The following LRP6 variants were observed in gnomAD, a reference collection of about 807,000 sequenced individuals.
LRP6 encodes low-density lipoprotein receptor-related protein 6.
A neutral mutation model predicts 184.1 loss-of-function variants in LRP6; 43 were observed. That is an observed-to-expected ratio of 0.23 (90% CI 0.18 to 0.30). LRP6 has a LOEUF of 0.30. Ranked by LOEUF, LRP6 falls within the 10% of genes least tolerant of loss-of-function variation. The probability of loss-of-function intolerance (pLI) is 1.00; values close to 1 mark genes in which losing one functional copy is unlikely to be tolerated. For missense variants in LRP6, 1,571 were observed against 2,005.3 expected, an observed-to-expected ratio of 0.78 and a Z score of 4.14; for synonymous variants, 719 against 684.9, an observed-to-expected ratio of 1.05 and a Z score of -0.78.
intron 7 of LRP6, among the ~76,000 whole-genome samples, chr12:12,171,344 A>AT (rs1565596374): frequency 2.0e-5 from 3 of 152,012 alleles, no homozygotes; most frequent in Non-Finnish European, 4.4e-5. Flanking sequence ...GTGAAACTCC[A>AT]TCTCTACTAA....
chr12:12,143,435 T>C (rs970450912), intron 15 of LRP6, among the ~76,000 whole-genome samples: 1 of 152,176 alleles, frequency 6.6e-6, no homozygotes, highest in African/African-American at 2.4e-5. Flanking sequence ...TACATGGAAA[T>C]TGCGGTAGTT....
intron 22 of LRP6, among the ~76,000 whole-genome samples, chr12:12,122,344 A>T: frequency 6.6e-6 from 1 of 152,208 alleles, no homozygotes; most frequent in East Asian, 1.9e-4. Flanking sequence ...TCTTAAATTT[A>T]TCCCAAAGAT....
chr12:12,138,472 C>T lies in LRP6; in HGVS notation c.3460G>A (p.Glu1154Lys), dbSNP rs779768114. The T allele has an allele frequency of 7.4e-5, 119 of 1,614,122 alleles. 1 individual carries two copies. In the South Asian group the frequency reaches 1.2e-3, roughly 16 times the overall value. ...TTATCAATCCAATAGAGCCAGTTTT[C>T]AAACACAGTAAGTCCCACAGGCTGC... ...ILQPVGLTVF[E>K]NWLYWIDKQQ... The change falls in exon 16 of 23, where the codon GAA becomes AAA. Residue 1154 changes from glutamate to lysine, a missense_variant. Around this residue, in one of 4 missense-constraint regions of LRP6, gnomAD observed 763 missense variants for 859.5 expected, o/e 0.89. Coordinates refer to ENST00000261349, the MANE Select transcript of LRP6 (RefSeq NM_002336.3).
At chr12:12,220,915 G>C (rs1264036515) in intron 2 of LRP6, among the ~76,000 whole-genome samples, 2 of 152,066 alleles carry the variant, frequency 1.3e-5, no homozygotes, top group Non-Finnish European at 2.9e-5. Flanking sequence ...CATATTCTTA[G>C]ATCACAACGG....
chr12:12,123,320 A>C (rs1949629039), intron 22 of LRP6, among the ~76,000 whole-genome samples: 1 of 152,214 alleles, frequency 6.6e-6, no homozygotes, highest in Non-Finnish European at 1.5e-5. Flanking sequence ...GGCTTCCTAG[A>C]AGAAGAAACT....
intron 2 of LRP6, among the ~76,000 whole-genome samples, chr12:12,204,801 C>T (rs914759635): frequency 2.8e-5 from 3 of 107,896 alleles, no homozygotes; most frequent in African/African-American, 1.0e-4. Flanking sequence ...ACTAAAAATA[C>T]AAAAAAAAAA....
At chr12:12,212,332 T>C (rs1209761918) in intron 2 of LRP6, among the ~76,000 whole-genome samples, 1 of 152,222 alleles carries the variant, frequency 6.6e-6, no homozygotes, top group Non-Finnish European at 1.5e-5. Context: ...AAAATTTTAT[T>C]TTAATGATTA....
chr12:12,137,905 G>A (rs138519044), intron 16 of LRP6, among the ~76,000 whole-genome samples: 3 of 152,056 alleles, frequency 2.0e-5, no homozygotes, highest in African/African-American at 7.2e-5. Context: ...GATCACACCT[G>A]TAATCCCAGC....
intron 2 of LRP6, among the ~76,000 whole-genome samples, chr12:12,214,726 G>A (rs1448025505): frequency 1.3e-5 from 2 of 152,152 alleles, no homozygotes; most frequent in African/African-American, 4.8e-5. Flanking sequence ...TATGGAATGC[G>A]TTTTCTCCAT....
At chr12:12,172,393 C>A (rs1413134077) in intron 7 of LRP6, among the ~76,000 whole-genome samples, 1 of 152,206 alleles carries the variant, frequency 6.6e-6, no homozygotes, top group Non-Finnish European at 1.5e-5. Context: ...TTCATCAGCT[C>A]ATTAAATGTC....
intron 3 of LRP6, among the ~76,000 whole-genome samples, chr12:12,188,916 A>C (rs759596419): frequency 2.0e-5 from 3 of 152,192 alleles, no homozygotes; most frequent in Non-Finnish European, 4.4e-5. Context: ...AGAACTGAGA[A>C]AGCTGCCAAA....
At chr12:12,148,425 C>T (rs1417624437) in intron 14 of LRP6, among the ~76,000 whole-genome samples, 2 of 152,042 alleles carry the variant, frequency 1.3e-5, no homozygotes, top group Non-Finnish European at 2.9e-5. Context: ...TTATCATTGA[C>T]TCAGATACAA....
intron 2 of LRP6, among the ~76,000 whole-genome samples, chr12:12,221,064 C>G (rs2135870254): frequency 6.6e-6 from 1 of 152,308 alleles, no homozygotes; most frequent in East Asian, 1.9e-4. Flanking sequence ...ACTATGACCC[C>G]TCTCTCCTTA....
chr12:12,185,846 T>TG (rs1358499138), intron 4 of LRP6, among the ~76,000 whole-genome samples: 60 of 105,188 alleles, frequency 5.7e-4, no homozygotes, highest in African/African-American at 1.8e-3. Flanking sequence ...GTGTGTTTTT[T>TG]GTTTTTTTTT....
intron 7 of LRP6, among the ~76,000 whole-genome samples, chr12:12,179,379 T>C (rs1258296704): frequency 1.7e-5 from 1 of 58,088 alleles, no homozygotes; most frequent in Non-Finnish European, 4.4e-5. Flanking sequence ...GATATAGATA[T>C]AGATATAGAT....
At chr12:12,259,109 A>C (rs1865547272) in intron 1 of LRP6, among the ~76,000 whole-genome samples, 1 of 152,114 alleles carries the variant, frequency 6.6e-6, no homozygotes, top group Admixed American at 6.5e-5. Context: ...TAAAAACACA[A>C]AAATTAGGTA....
chr12:12,126,985 C>CA (rs1949681270), intron 19 of LRP6, 64 bp from the exon 20 acceptor site: 2 of 1,301,876 alleles, frequency 1.5e-6, no homozygotes, highest in Admixed American at 3.5e-5. Context: ...AAATAGTAAT[C>CA]AAAAGAGGGC....
intron 12 of LRP6, among the ~76,000 whole-genome samples, chr12:12,156,279 A>T (rs1315291466): frequency 6.6e-6 from 1 of 152,218 alleles, no homozygotes; most frequent in East Asian, 1.9e-4. Flanking sequence ...ATATGCAATA[A>T]CACTCCAAGC....
At position 12,244,020 on chromosome 12, in the gene LRP6, A is replaced by T. The variant is rs147903607; in HGVS notation, c.449+242T>A. Among the ~76,000 whole-genome samples the T allele has an allele frequency of 6.0e-5, 9 of 151,048 alleles. No individual in the cohort carries two copies. The East Asian group carries it at 1.8e-3, about 31-fold the overall frequency. On this transcript the variant is annotated intron_variant, in intron 2 of 22. Coordinates refer to ENST00000261349, the MANE Select transcript of LRP6 (RefSeq NM_002336.3). Reference sequence around the variant, plus strand: ...GATCACTTCAGCCTGGGAGGCTGACAGTGCAGTGAGCTTTGATTGCACCAC... The same window carrying T: ...GATCACTTCAGCCTGGGAGGCTGACTGTGCAGTGAGCTTTGATTGCACCAC...
Sources: allele counts gnomAD v4.1 joint callset (sites outside exome capture counted in the v4.1 genomes callset), GRCh38; gene constraint gnomAD v4.1.1; regional missense constraint gnomAD v4.1.1; transcripts MANE v1.5; gene names NCBI Gene and HGNC (gene_info 2026-07-23, HGNC 2026-07-21).